NTM: variants seen among roughly 807,000 people sequenced by gnomAD.
NTM encodes the protein IgLON family member 2.
Under a neutral mutation model 42.1 loss-of-function variants are expected in NTM, and 13 were observed. That is an observed-to-expected ratio of 0.31 (90% CI 0.20 to 0.49). The LOEUF (loss-of-function observed/expected upper bound fraction) is 0.49, where lower values mean the gene tolerates loss of function less well. NTM is among the 20% of genes least tolerant of loss of function. NTM has a pLI of 0.99. For missense variants in NTM, 373 were observed against 452.8 expected, an observed-to-expected ratio of 0.82 and a Z score of 1.60; for synonymous variants, 187 against 179.2, an observed-to-expected ratio of 1.04 and a Z score of -0.35.
intron 2 of NTM, among the ~76,000 whole-genome samples, chr11:132,048,609 C>T (rs546296499): frequency 5.3e-5 from 8 of 152,242 alleles, no homozygotes; most frequent in African/African-American, 1.2e-4. Context: ...AGTGTGAACA[C>T]GGTTGATGTT....
At chr11:132,282,211 G>A (rs2093996606) in intron 4 of NTM, among the ~76,000 whole-genome samples, 1 of 152,164 alleles carries the variant, frequency 6.6e-6, no homozygotes, top group African/African-American at 2.4e-5. Context: ...TTACATTGAA[G>A]GACAATAAAT....
chr11:132,105,162 A>G (rs1362260713), intron 2 of NTM, among the ~76,000 whole-genome samples: 1 of 150,952 alleles, frequency 6.6e-6, no homozygotes, highest in East Asian at 2.0e-4. Context: ...AGTGGGTGGA[A>G]GGATTCACCC....
chr11:132,102,471 A>G (rs1364913561), intron 2 of NTM, among the ~76,000 whole-genome samples: 2 of 152,220 alleles, frequency 1.3e-5, no homozygotes, highest in East Asian at 1.9e-4. Context: ...GTGCTGTGCC[A>G]TATAACTGCA....
intron 4 of NTM, among the ~76,000 whole-genome samples, chr11:132,289,376 G>C (rs1033062955): frequency 1.3e-5 from 2 of 152,144 alleles, no homozygotes; most frequent in African/African-American, 4.8e-5. Context: ...CAAAGCCTTT[G>C]GTGTACTGTC....
chr11:131,768,611 A>C (rs1266400470), intron 1 of NTM, among the ~76,000 whole-genome samples: 1 of 152,194 alleles, frequency 6.6e-6, no homozygotes, highest in Non-Finnish European at 1.5e-5. Flanking sequence ...AAACAGCTAA[A>C]GTCAATAACT....
intron 1 of NTM, among the ~76,000 whole-genome samples, chr11:131,866,969 G>A (rs1328891705): frequency 2.6e-5 from 4 of 152,180 alleles, no homozygotes; most frequent in East Asian, 3.9e-4. Context: ...AGGACAGTGC[G>A]CGGCAGCCAA....
intron 1 of NTM, among the ~76,000 whole-genome samples, chr11:131,524,938 G>A (rs2050248735): frequency 6.6e-6 from 1 of 152,238 alleles, no homozygotes; most frequent in African/African-American, 2.4e-5. Flanking sequence ...GCACTGTCAT[G>A]AGGATTGAGT....
intron 1 of NTM, among the ~76,000 whole-genome samples, chr11:131,558,996 A>G (rs2055843215): frequency 1.3e-5 from 2 of 152,238 alleles, no homozygotes; most frequent in Non-Finnish European, 2.9e-5. Context: ...TCAATAATAG[A>G]CATATGGGTT....
chr11:131,411,525 G>GAC (rs2135755262), intron 1 of NTM, among the ~76,000 whole-genome samples: 1 of 148,882 alleles, frequency 6.7e-6, no homozygotes, highest in Non-Finnish European at 1.5e-5. Flanking sequence ...GCCTCCTGAA[G>GAC]TATTTAGGGG....
chr11:132,289,134 C>G (rs2139972607), intron 4 of NTM, among the ~76,000 whole-genome samples: 1 of 152,260 alleles, frequency 6.6e-6, no homozygotes, highest in South Asian at 2.1e-4. Context: ...TTAGCAGCTG[C>G]TTTAAGATCT....
chr11:131,873,074 G>A (rs1208568350), intron 1 of NTM, among the ~76,000 whole-genome samples: 3 of 152,130 alleles, frequency 2.0e-5, no homozygotes, highest in African/African-American at 7.2e-5. Context: ...TATGTTTATT[G>A]CAGCACCATT....
chr11:131,918,985 G>A (rs925491795), intron 2 of NTM, among the ~76,000 whole-genome samples: 13 of 152,170 alleles, frequency 8.5e-5, no homozygotes, highest in Non-Finnish European at 1.3e-4. Flanking sequence ...ACATTTCCAC[G>A]TACTTCTCTG....
intron 1 of NTM, among the ~76,000 whole-genome samples, chr11:131,749,279 G>T (rs1006888897): frequency 2.0e-5 from 3 of 152,170 alleles, no homozygotes; most frequent in Non-Finnish European, 2.9e-5. Flanking sequence ...CGATGAAGAT[G>T]TATAAGCCAC....
chr11:131,667,843 G>A (rs542679577), intron 1 of NTM, among the ~76,000 whole-genome samples: 1 of 152,166 alleles, frequency 6.6e-6, no homozygotes, highest in African/African-American at 2.4e-5. Flanking sequence ...ATCCGCAGGT[G>A]TCTCCTCTGT....
intron 1 of NTM, among the ~76,000 whole-genome samples, chr11:131,379,635 T>C (rs1369923864): frequency 6.6e-6 from 1 of 152,236 alleles, no homozygotes; most frequent in Non-Finnish European, 1.5e-5. Flanking sequence ...GTTTGAATAC[T>C]GCCTTGTACA....
At chr11:132,009,247 T>C (rs1423674925) in intron 2 of NTM, among the ~76,000 whole-genome samples, 5 of 152,212 alleles carry the variant, frequency 3.3e-5, no homozygotes, top group Non-Finnish European at 7.3e-5. Flanking sequence ...TGTAAGTTAA[T>C]TCCTGCCACC....
intron 7 of NTM, among the ~76,000 whole-genome samples, chr11:132,323,415 A>G (rs1440682287): frequency 4.0e-5 from 6 of 151,854 alleles, no homozygotes; most frequent in African/African-American, 1.5e-4. Context: ...CAAATAAACT[A>G]GAAAATCTAG....
intron 2 of NTM, among the ~76,000 whole-genome samples, chr11:132,104,603 C>T (rs1237239879): frequency 2.5e-5 from 2 of 78,906 alleles, no homozygotes; most frequent in East Asian, 2.2e-4. Flanking sequence ...ATAATAATAA[C>T]TAATAGTAAT....
chr11:131,848,483 A>C (rs7123870), intron 1 of NTM, among the ~76,000 whole-genome samples: 73,958 of 152,034 alleles, frequency 0.49, 18,508 homozygotes, highest in Admixed American at 0.59. Context: ...CTGCCAGGCT[A>C]TGGGGAAGGT....
Sources: allele counts gnomAD v4.1 joint callset (sites outside exome capture counted in the v4.1 genomes callset), GRCh38; gene constraint gnomAD v4.1.1; transcripts MANE v1.5; gene names NCBI Gene and HGNC (gene_info 2026-07-23, HGNC 2026-07-21).